The following LRRC1 variants were observed in gnomAD, a reference collection of about 807,000 sequenced individuals.
LRRC1 encodes the protein leucine-rich repeat-containing protein 1.
Under a neutral mutation model 69.9 loss-of-function variants are expected in LRRC1, and 28 were observed. The observed-to-expected ratio is 0.40, with a 90% CI of 0.30 to 0.55. LRRC1 has a LOEUF of 0.55. Ranked by LOEUF, LRRC1 falls within the 20% of genes least tolerant of loss-of-function variation. The pLI, the probability that LRRC1 is intolerant of heterozygous loss-of-function variation, is 0.47. For missense variants in LRRC1, 498 were observed against 609.0 expected (o/e 0.82, Z 1.92); for synonymous variants, 236 against 240.2 (o/e 0.98, Z 0.16).
chr6:53,840,720 C>T (rs912415559), intron 1 of LRRC1, among the ~76,000 whole-genome samples: 5 of 152,022 alleles, frequency 3.3e-5, no homozygotes, highest in South Asian at 2.1e-4. Context: ...CAATATTTTT[C>T]ACTTTCTGAA....
intron 4 of LRRC1, among the ~76,000 whole-genome samples, chr6:53,894,370 G>A (rs1053209087): frequency 1.3e-5 from 2 of 152,228 alleles, no homozygotes; most frequent in African/African-American, 4.8e-5. Flanking sequence ...GTTTCAGGCA[G>A]GAGATGCTGA....
intron 10 of LRRC1, among the ~76,000 whole-genome samples, chr6:53,911,630 T>G (rs1768412729): frequency 6.6e-6 from 1 of 152,238 alleles, no homozygotes; most frequent in Non-Finnish European, 1.5e-5. Context: ...AGCCAACTGC[T>G]GACTTGGAAG....
chr6:53,913,801 C>T (rs1229211311), intron 10 of LRRC1, 53 bp from the exon 11 acceptor site: 3 of 1,207,996 alleles, frequency 2.5e-6, no homozygotes, highest in African/African-American at 1.5e-5. Flanking sequence ...TCTGATCCTA[C>T]TCCATCTCCC....
intron 2 of LRRC1, among the ~76,000 whole-genome samples, chr6:53,848,430 A>G (rs1443444118): frequency 6.6e-6 from 1 of 152,238 alleles, no homozygotes; most frequent in Non-Finnish European, 1.5e-5. Context: ...TTCAGCGAGC[A>G]TTGTTTAAAC....
intron 13 of LRRC1, among the ~76,000 whole-genome samples, chr6:53,922,393 C>A (rs976752063): frequency 2.6e-5 from 4 of 151,840 alleles, no homozygotes; most frequent in Non-Finnish European, 5.9e-5. Flanking sequence ...TATAAGTATT[C>A]TTTTATTCTG....
At chr6:53,883,994 G>A in intron 4 of LRRC1, 1 of 717,980 alleles carries the variant, frequency 1.4e-6, no homozygotes, top group Non-Finnish European at 2.6e-6. Context: ...GCAAGTTGGT[G>A]TTTTTCTGAA....
At chr6:53,798,017 G>A (rs1432619470) in intron 1 of LRRC1, among the ~76,000 whole-genome samples, 1 of 152,154 alleles carries the variant, frequency 6.6e-6, no homozygotes, top group Non-Finnish European at 1.5e-5. Flanking sequence ...CATTTATTGA[G>A]ACTCCATTAT....
At chr6:53,906,767 T>C (rs1340979555) in intron 10 of LRRC1, among the ~76,000 whole-genome samples, 1 of 152,220 alleles carries the variant, frequency 6.6e-6, no homozygotes, top group Non-Finnish European at 1.5e-5. Flanking sequence ...TCTGAGAAAT[T>C]ATGATTGGTT....
chr6:53,832,997 T>C (rs1227926814), intron 1 of LRRC1, among the ~76,000 whole-genome samples: 1 of 152,172 alleles, frequency 6.6e-6, no homozygotes, highest in Non-Finnish European at 1.5e-5. Context: ...ATTGTATGCA[T>C]TTGCCATCCT....
rs1462750471 is a variant in LRRC1, at chr6:53,842,169, G to A, written c.219G>A (p.Arg73=). 6.2e-7 allele frequency: 1 copy of A among 1,613,978 alleles called. No individual in the cohort carries two copies. Among genetic ancestry groups the A allele is most frequent in the South Asian group, 1.1e-5 (1 of 91,052 alleles). The change falls in exon 2 of 14, where the codon CGG becomes CGA. Residue 73 remains arginine, a synonymous_variant. Transcript: ENST00000370888. ...KLGLSDNEIQ[R]LPPEIANFMQ... ...GACTTAGTGATAATGAAATTCAGCG[G>A]CTCCCTCCAGAAATAGCAAACTTCA...
chr6:53,861,469 C>T (rs779575248), intron 2 of LRRC1, among the ~76,000 whole-genome samples: 7 of 150,278 alleles, frequency 4.7e-5, no homozygotes, highest in African/African-American at 7.4e-5. Context: ...AATTCCTTCT[C>T]GTCATCCTAG....
chr6:53,825,001 C>A (rs769702550), intron 1 of LRRC1, among the ~76,000 whole-genome samples: 41 of 152,178 alleles, frequency 2.7e-4, no homozygotes, highest in Non-Finnish European at 5.6e-4. Flanking sequence ...CAGTCTAATT[C>A]TTTCACCATA....
At chr6:53,858,578 A>T (rs1261034872) in intron 2 of LRRC1, among the ~76,000 whole-genome samples, 2 of 152,246 alleles carry the variant, frequency 1.3e-5, no homozygotes, top group African/African-American at 4.8e-5. Context: ...CAGATAAATG[A>T]AAGAATGAGT....
chr6:53,813,074 C>G (rs1764843105), intron 1 of LRRC1, among the ~76,000 whole-genome samples: 1 of 151,790 alleles, frequency 6.6e-6, no homozygotes, highest in African/African-American at 2.4e-5. Flanking sequence ...TGAAAAGGTA[C>G]TTGGGATGCT....
intron 3 of LRRC1, 61 bp downstream of exon 3, chr6:53,879,132 C>G: frequency 8.8e-7 from 1 of 1,137,582 alleles, no homozygotes. Context: ...GAGAGCCAAG[C>G]GGAGAACACA....
In LRRC1 at chr6:53,818,765, T is replaced by A. The variant is rs770173624; in HGVS notation, c.160-23345T>A. Among the ~76,000 whole-genome samples the A allele has an allele frequency of 1.2e-3, 184 of 152,328 alleles. 1 individual carries two copies. Among genetic ancestry groups the A allele is most frequent in the African/African-American group, 4.2e-3 (174 of 41,582 alleles). On this transcript the variant is annotated intron_variant, in intron 1 of 13. Coordinates refer to ENST00000370888, the MANE Select transcript of LRRC1 (RefSeq NM_018214.5). ...TTTCCAGAATAGGCATCAAGGTAAT[T>A]GAGGTGATTTGCCAAATCTACTTCC...
In LRRC1 at chr6:53,906,954, C is replaced by T. The variant is rs533881341; in HGVS notation, c.990+2492C>T. On this transcript the variant is annotated intron_variant, in intron 10 of 13. Coordinates refer to ENST00000370888, the MANE Select transcript of LRRC1 (RefSeq NM_018214.5). ...TGAGCACATGTCTCCAATTCTCCCTCGGATCACAGTTTGCTGCCTAGCAGA... is the reference window on the plus strand; with the variant it reads ...TGAGCACATGTCTCCAATTCTCCCTTGGATCACAGTTTGCTGCCTAGCAGA... Among the ~76,000 whole-genome samples, 7 of 152,336 alleles carry T rather than the reference C, an allele frequency of 4.6e-5. No individual in the cohort carries two copies. The East Asian group carries it at 1.2e-3, about 25-fold the overall frequency.
At chr6:53,855,239 G>T (rs141132929) in intron 2 of LRRC1, among the ~76,000 whole-genome samples, 23 of 152,288 alleles carry the variant, frequency 1.5e-4, no homozygotes, top group Non-Finnish European at 3.1e-4. Context: ...AGAGGTGCTT[G>T]GTGAAAGTAT....
At chr6:53,909,544 C>G (rs1345691962) in intron 10 of LRRC1, among the ~76,000 whole-genome samples, 2 of 150,606 alleles carry the variant, frequency 1.3e-5, no homozygotes, top group Non-Finnish European at 3.0e-5. Flanking sequence ...TTTCATTGTG[C>G]TTTCCTGTGC....
Sources: allele counts gnomAD v4.1 joint callset (sites outside exome capture counted in the v4.1 genomes callset), GRCh38; gene constraint gnomAD v4.1.1; transcripts MANE v1.5; gene names NCBI Gene and HGNC (gene_info 2026-07-23, HGNC 2026-07-21).